GRIP2: variants seen among roughly 807,000 people sequenced by gnomAD.
GRIP2 encodes the protein glutamate receptor-interacting protein 2.
In GRIP2, 58 loss-of-function variants were observed where a neutral mutation model predicts 108.3. The observed-to-expected ratio is 0.54, with a 90% CI of 0.43 to 0.67. The LOEUF (loss-of-function observed/expected upper bound fraction) is 0.67. Ranked by LOEUF, GRIP2 falls within the 30% of genes least tolerant of loss-of-function variation. The pLI is 0.00. For synonymous variants in GRIP2, 586 were observed against 598.2 expected, an observed-to-expected ratio of 0.98 and a Z score of 0.30; for missense variants, 1,278 against 1,430.6, an observed-to-expected ratio of 0.89 and a Z score of 1.72.
At position 14,505,697 on chromosome 3, in the gene GRIP2, G is replaced by A. The variant is rs375348449; in HGVS notation, c.2491C>T (p.Arg831Trp). The change falls in exon 20 of 24, where the codon CGG becomes TGG. Residue 831 changes from arginine to tryptophan, a missense_variant. Coordinates refer to ENST00000621039, the MANE Select transcript of GRIP2 (RefSeq NM_001080423.4). The surrounding 1 kb of genome is among the most constrained non-coding windows in gnomAD (Gnocchi z 4.2). ...GGGGTTGGGGTATAGCTCGTCCTCCGGGGCTCGGTGGGTGGGGGGCTGCCC... is the reference window on the plus strand; with the variant it reads ...GGGGTTGGGGTATAGCTCGTCCTCCAGGGCTCGGTGGGTGGGGGGCTGCCC... Reference protein sequence around the residue: ...LRGSPPPTEPRRTSYTPTPAD... With the variant: ...LRGSPPPTEPWRTSYTPTPAD... The A allele has an allele frequency of 3.7e-5, 59 of 1,597,030 alleles. No homozygotes were observed. Among genetic ancestry groups the A allele is most frequent in the South Asian group, 9.0e-5 (8 of 88,522 alleles).
chr3:14,529,713 T>C (rs182311866), intron 1 of GRIP2, among the ~76,000 whole-genome samples: 1 of 152,378 alleles, frequency 6.6e-6, no homozygotes, highest in Non-Finnish European at 1.5e-5. Flanking sequence ...ATTATTTTAT[T>C]TTTCCATTAT....
chr3:14,510,023 G>A, intron 16 of GRIP2, 59 bp from the exon 17 acceptor site: 4 of 1,339,482 alleles, frequency 3.0e-6, no homozygotes, highest in Non-Finnish European at 2.9e-6. Flanking sequence ...GCTTCCTAAA[G>A]CCTTGGCCTC....
Position 14,504,006 on chromosome 3 carries a change from G to T in GRIP2, c.2574-335C>A, listed in dbSNP as rs185299433. The T allele has an allele frequency of 8.5e-5, 28 of 327,858 alleles. No individual in the cohort carries two copies. In the Admixed American group the frequency reaches 1.2e-3, roughly 14 times the overall value. 20.3% of individuals were successfully genotyped at this position (327,858 alleles called of 1,614,324 possible). On this transcript the variant is annotated intron_variant, in intron 20 of 23. Transcript: ENST00000621039. ...ACGAACAGACAGAGAGGAGATCCAT[G>T]GTGTAGTCCCAGAGGACGGCCCCTG...
the GRIP2 span, among the ~76,000 whole-genome samples, chr3:14,563,920 A>G: frequency 6.6e-6 from 1 of 152,188 alleles, no homozygotes; most frequent in Non-Finnish European, 1.5e-5. Flanking sequence ...TTTCTGCTTC[A>G]CATGGCGACC....
chr3:14,560,080 C>G (rs538091301), upstream of GRIP2, among the ~76,000 whole-genome samples: 1 of 152,204 alleles, frequency 6.6e-6, no homozygotes, highest in African/African-American at 2.4e-5. Context: ...TAGTGAGACT[C>G]TGTCTCTATA....
intron 11 of GRIP2, 39 bp from the exon 12 acceptor site, chr3:14,514,517 C>A: frequency 6.7e-7 from 1 of 1,491,716 alleles, no homozygotes; most frequent in Non-Finnish European, 9.0e-7. Context: ...GTGAGCCGCC[C>A]CACGGAGGTC....
chr3:14,546,263 G>T (rs775114426), upstream of GRIP2, among the ~76,000 whole-genome samples: 1 of 152,174 alleles, frequency 6.6e-6, no homozygotes, highest in African/African-American at 2.4e-5. Flanking sequence ...GGCAGGTGCA[G>T]CTAACGCACA....
At chr3:14,577,078 T>C in the GRIP2 span, among the ~76,000 whole-genome samples, 1 of 152,260 alleles carries the variant, frequency 6.6e-6, no homozygotes, top group African/African-American at 2.4e-5. Context: ...TTGCACATTA[T>C]TTCCTTCGGC....
chr3:14,560,456 A>G (rs143839869), upstream of GRIP2, among the ~76,000 whole-genome samples: 164 of 151,944 alleles, frequency 1.1e-3, no homozygotes, highest in African/African-American at 3.7e-3. Flanking sequence ...GCTCCAGGAG[A>G]GCCTTGACCC....
chr3:14,496,484 C>G lies in GRIP2; in HGVS notation c.2756G>C (p.Arg919Pro). 1 of 1,611,978 alleles carries G rather than the reference C, an allele frequency of 6.2e-7. No homozygotes were observed. Reference sequence around the variant, plus strand: ...TTCTGCAGGAGAGGCTCGTACCTCCCGGCCCCTCTGCCAAGGCCGGTGGCC... The same window carrying G: ...TTCTGCAGGAGAGGCTCGTACCTCCGGGCCCCTCTGCCAAGGCCGGTGGCC... Reference protein sequence around the residue: ...RPGHRPWQRGREVRASPAEME... With the variant: ...RPGHRPWQRGPEVRASPAEME... Residue 919 changes from arginine (R) to proline (P), a missense_variant, in exon 22 of 24, where the codon CGG becomes CCG. Coordinates refer to ENST00000621039, the MANE Select transcript of GRIP2 (RefSeq NM_001080423.4).
At chr3:14,599,487 C>T in the GRIP2 span, among the ~76,000 whole-genome samples, 43 of 152,168 alleles carry the variant, frequency 2.8e-4, no homozygotes, top group African/African-American at 9.6e-4. Context: ...GCACCTTGAA[C>T]TTTTGTTATC....
At position 14,514,451 on chromosome 3, in the gene GRIP2, G is replaced by A. The variant is rs766860535; in HGVS notation, c.1334C>T (p.Pro445Leu). The A allele has an allele frequency of 1.8e-5, 29 of 1,577,626 alleles. No homozygotes were observed. In the East Asian group the frequency reaches 2.8e-4, roughly 15 times the overall value. ...CTCCGTGTGCACAATCTGCCCGCCCGGCCCCACCGTGCTGGAGGCTAGCGA... is the reference window on the plus strand; with the variant it reads ...CTCCGTGTGCACAATCTGCCCGCCCAGCCCCACCGTGCTGGAGGCTAGCGA... ...SLSLASSTVG[P>L]GGQIVHTETT... Residue 445 changes from proline to leucine, a missense_variant, in exon 12 of 24, where the codon CCG becomes CTG. By Grantham distance (98) the Pro-to-Leu change is moderately conservative. Transcript: ENST00000621039.
chr3:14,539,900 C>G (rs527768955), intron 1 of GRIP2, among the ~76,000 whole-genome samples: 39 of 152,138 alleles, frequency 2.6e-4, no homozygotes, highest in Non-Finnish European at 5.1e-4. Context: ...CCCTCTGGGT[C>G]GGACACTCAC....
chr3:14,580,568 T>C, the GRIP2 span, among the ~76,000 whole-genome samples: 1 of 152,168 alleles, frequency 6.6e-6, no homozygotes, highest in African/African-American at 2.4e-5. Flanking sequence ...TGGTGGCCCA[T>C]GCCTGAGCTT....
chr3:14,584,382 G>A, the GRIP2 span, among the ~76,000 whole-genome samples: 10 of 152,266 alleles, frequency 6.6e-5, no homozygotes, highest in Admixed American at 2.6e-4. Flanking sequence ...CAAGCCCACC[G>A]TGGAGGCTCC....
chr3:14,545,274 G>A (rs1187600804), upstream of GRIP2, among the ~76,000 whole-genome samples: 2 of 152,236 alleles, frequency 1.3e-5, no homozygotes, highest in Admixed American at 6.5e-5. Context: ...GGAAGCCAGG[G>A]CCCAGAAAGG....
Position 14,493,404 on chromosome 3 carries a change from C to T in GRIP2, c.*261G>A, listed in dbSNP as rs1701379712. 2.0e-6 allele frequency: 1 copy of T among 493,620 alleles called. No individual in the cohort carries two copies. The highest frequency in any genetic ancestry group is 3.6e-6 in the Non-Finnish European group (1 of 278,252). 30.6% of individuals were successfully genotyped at this position (493,620 alleles called of 1,614,324 possible). A position where few individuals can be genotyped will look rare whatever the true frequency, so the allele number is the denominator to read the frequency against. ...GGCTGAGCAGCCTGTGCCAACCCTT[C>T]TTAAGGGAGGCTCCTCTGGGCATCT... On this transcript the variant is annotated 3_prime_UTR_variant, in exon 24 of 24. Transcript: ENST00000621039.
the GRIP2 span, among the ~76,000 whole-genome samples, chr3:14,576,147 C>T: frequency 2.6e-5 from 4 of 152,270 alleles, no homozygotes; most frequent in South Asian, 8.3e-4. Flanking sequence ...TCTGGAGATC[C>T]GTGGGAATTA....
the GRIP2 span, among the ~76,000 whole-genome samples, chr3:14,565,122 G>T: frequency 2.6e-5 from 4 of 152,186 alleles, no homozygotes; most frequent in African/African-American, 9.7e-5. Context: ...AGAAGTGGGA[G>T]ATGGGATCAG....
Sources: allele counts gnomAD v4.1 joint callset (sites outside exome capture counted in the v4.1 genomes callset), GRCh38; gene constraint gnomAD v4.1.1; non-coding constraint Gnocchi (gnomAD v3.1); transcripts MANE v1.5; gene names NCBI Gene and HGNC (gene_info 2026-07-23, HGNC 2026-07-21).